The following PCDH9 variants were observed in gnomAD, a reference collection of about 807,000 sequenced individuals.
PCDH9 encodes protocadherin 9, also known as protocadherin-9.
A neutral mutation model predicts 70.6 loss-of-function variants in PCDH9; 24 were observed. That is an observed-to-expected ratio of 0.34 (90% CI 0.25 to 0.48). The LOEUF is 0.48. Among genes scored for constraint, PCDH9 ranks in the 20% least tolerant of loss-of-function variants. The pLI is 0.99. For synonymous variants in PCDH9, 562 were observed against 558.5 expected (o/e 1.01, Z -0.09); for missense variants, 1,281 against 1,503.6 (o/e 0.85, Z 2.45).
intron 4 of PCDH9, among the ~76,000 whole-genome samples, chr13:66,387,608 G>T (rs1410535417): frequency 6.8e-6 from 1 of 147,956 alleles, no homozygotes; most frequent in Non-Finnish European, 1.5e-5. Context: ...CCTTCCTCTT[G>T]CCCTGTGATA....
At chr13:66,887,031 AATAACACACACACAC>A (rs1358084600) in intron 3 of PCDH9, among the ~76,000 whole-genome samples, 1 of 125,896 alleles carries the variant, frequency 7.9e-6, no homozygotes, top group East Asian at 2.2e-4. Flanking sequence ...CAACAAATAT[AATAACACACACACAC>A]ACACACACAC....
intron 2 of PCDH9, among the ~76,000 whole-genome samples, chr13:67,011,933 CTCT>C (rs1290401416): frequency 2.0e-5 from 3 of 151,872 alleles, no homozygotes; most frequent in Non-Finnish European, 4.4e-5. Flanking sequence ...AAAAACAGCA[CTCT>C]TCTTTATAGC....
chr13:67,183,975 G>A lies in PCDH9; in HGVS notation c.3036+41430C>T, dbSNP rs150577280. On this transcript the variant is annotated intron_variant, in intron 2 of 4. Transcript: ENST00000377865. ...AAATTTTCAGACATATTTGCAAATC[G>A]TCCTATGATCATTCATTGATTCTTC... 7.2e-5 allele frequency among the ~76,000 whole-genome samples: 11 copies of A among 152,238 alleles called. No individual in the cohort carries two copies. In the East Asian group the frequency reaches 1.2e-3, roughly 16 times the overall value.
At chr13:66,981,210 G>A (rs188095614) in intron 2 of PCDH9, among the ~76,000 whole-genome samples, 59 of 152,180 alleles carry the variant, frequency 3.9e-4, no homozygotes, top group African/African-American at 1.3e-3. Flanking sequence ...AGGCCCAGGC[G>A]GGCGGATCAC....
chr13:67,177,817 T>C (rs201423520), intron 2 of PCDH9, among the ~76,000 whole-genome samples: 1 of 152,096 alleles, frequency 6.6e-6, no homozygotes, highest in African/African-American at 2.4e-5. Context: ...GTTGCTTCAA[T>C]CTCAGCATGT....
intron 3 of PCDH9, among the ~76,000 whole-genome samples, chr13:66,705,168 T>C (rs1348785674): frequency 6.6e-6 from 1 of 152,154 alleles, no homozygotes; most frequent in African/African-American, 2.4e-5. Flanking sequence ...GTTCCTTCTA[T>C]TCCTGAAAAT....
intron 4 of PCDH9, among the ~76,000 whole-genome samples, chr13:66,404,202 G>T (rs1319742648): frequency 6.6e-6 from 1 of 152,014 alleles, no homozygotes; most frequent in Non-Finnish European, 1.5e-5. Context: ...GCTTACTCCT[G>T]GCTTAATTCT....
intron 4 of PCDH9, among the ~76,000 whole-genome samples, chr13:66,455,252 T>C (rs1276531768): frequency 6.6e-6 from 1 of 151,558 alleles, no homozygotes; most frequent in East Asian, 1.9e-4. Context: ...ATTGACCATA[T>C]ATATATATTC....
chr13:66,488,585 T>C (rs527594128), intron 4 of PCDH9, among the ~76,000 whole-genome samples: 2 of 151,980 alleles, frequency 1.3e-5, no homozygotes, highest in East Asian at 3.9e-4. Flanking sequence ...CAGCTAATAA[T>C]AGAGTAAAAA....
chr13:66,803,082 C>G (rs1409071662), intron 3 of PCDH9, among the ~76,000 whole-genome samples: 1 of 148,426 alleles, frequency 6.7e-6, no homozygotes, highest in Non-Finnish European at 1.5e-5. Context: ...CACACAGTGT[C>G]AAGGTTGAAT....
At chr13:66,769,798 C>A (rs1394155135) in intron 3 of PCDH9, among the ~76,000 whole-genome samples, 1 of 152,014 alleles carries the variant, frequency 6.6e-6, no homozygotes, top group Non-Finnish European at 1.5e-5. Context: ...ATTTATCTGG[C>A]CAAATCTCAT....
Position 66,985,998 on chromosome 13 carries a change from G to T in PCDH9, c.3037-82393C>A, listed in dbSNP as rs541788019. On this transcript the variant is annotated intron_variant, in intron 2 of 4. Coordinates refer to ENST00000377865, the MANE Select transcript of PCDH9 (RefSeq NM_203487.3). ...TATTTTTTAGTGGTGAGGTGTATTA[G>T]TCTGTTCTCATGCTACTATAAAGAG... 2.6e-5 allele frequency among the ~76,000 whole-genome samples: 4 copies of T among 152,042 alleles called. No homozygotes were observed. The South Asian group carries it at 8.3e-4, about 32-fold the overall frequency.
At chr13:66,368,607 A>G (rs1186744138) in intron 4 of PCDH9, among the ~76,000 whole-genome samples, 2 of 152,038 alleles carry the variant, frequency 1.3e-5, no homozygotes, top group Non-Finnish European at 2.9e-5. Context: ...GTGTATTTAT[A>G]TATACACATA....
Position 66,377,016 on chromosome 13 carries a change from C to A in PCDH9, c.3341-71988G>T, listed in dbSNP as rs950549348. Among the ~76,000 whole-genome samples the A allele has an allele frequency of 2.0e-5, 3 of 152,012 alleles. No individual in the cohort carries two copies. In the East Asian group the frequency reaches 5.8e-4, roughly 29 times the overall value. ...AAATCTGTGCTGACAACACTAGAAA[C>A]CGGCTTAACCAAGATGCCCTGCACA... On this transcript the variant is annotated intron_variant, in intron 4 of 4. Transcript: ENST00000377865.
intron 3 of PCDH9, among the ~76,000 whole-genome samples, chr13:66,851,575 T>A (rs936529877): frequency 1.0e-3 from 151 of 146,836 alleles, no homozygotes; most frequent in African/African-American, 2.8e-3. Context: ...CGCATCACCC[T>A]CACACACACA....
chr13:66,975,715 C>G (rs1319698172), intron 2 of PCDH9, among the ~76,000 whole-genome samples: 1 of 151,898 alleles, frequency 6.6e-6, no homozygotes, highest in Non-Finnish European at 1.5e-5. Flanking sequence ...CCACTATGTG[C>G]CAGGAACCAG....
At chr13:66,367,303 T>C (rs945613413) in intron 4 of PCDH9, among the ~76,000 whole-genome samples, 3 of 152,096 alleles carry the variant, frequency 2.0e-5, no homozygotes, top group Non-Finnish European at 4.4e-5. Flanking sequence ...AGCAAATAAA[T>C]AGAAACATGC....
At chr13:67,155,664 A>G (rs1022913263) in intron 2 of PCDH9, among the ~76,000 whole-genome samples, 5 of 152,086 alleles carry the variant, frequency 3.3e-5, no homozygotes, top group African/African-American at 1.2e-4. Context: ...ATGTTGTCAG[A>G]AGCTAGATAC....
intron 4 of PCDH9, among the ~76,000 whole-genome samples, chr13:66,506,303 A>G (rs943707832): frequency 4.6e-5 from 7 of 152,340 alleles, no homozygotes; most frequent in African/African-American, 1.7e-4. Flanking sequence ...GTTACCATAC[A>G]CAACAATCCT....
Sources: gnomAD v4.1 joint callset for allele counts (sites outside exome capture counted in the v4.1 genomes callset) on GRCh38, gnomAD v4.1.1 for gene constraint, MANE v1.5 for transcripts, NCBI Gene and HGNC (gene_info 2026-07-23, HGNC 2026-07-21) for gene names.